The following BAHD1 variants were observed in gnomAD, a reference collection of about 807,000 sequenced individuals.
BAHD1 encodes the protein bromo adjacent homology domain-containing 1 protein.
A neutral mutation model predicts 63.1 loss-of-function variants in BAHD1; 20 were observed. That is an observed-to-expected ratio of 0.32 (90% confidence interval 0.22 to 0.46). BAHD1 has a LOEUF of 0.46. Ranked by LOEUF, BAHD1 falls within the 20% of genes least tolerant of loss-of-function variation. The pLI is 1.00. For synonymous variants in BAHD1, 408 were observed against 426.8 expected (o/e 0.96, Z 0.54); for missense variants, 939 against 1,071.8 (o/e 0.88, Z 1.73).
chr15:40,449,981 G>A (rs1470224279), intron 1 of BAHD1, among the ~76,000 whole-genome samples: 1 of 152,164 alleles, frequency 6.6e-6, no homozygotes, highest in Admixed American at 6.5e-5. Context: ...GAGGGCTCTT[G>A]TCTTGAGCTC....
chr15:40,444,348 T>G (rs1893478743), intron 1 of BAHD1, among the ~76,000 whole-genome samples: 1 of 152,198 alleles, frequency 6.6e-6, no homozygotes, highest in African/African-American at 2.4e-5. Context: ...ATTTAACTGC[T>G]GTTTCTAATA....
chr15:40,462,565 C>T (rs566427639), intron 3 of BAHD1, among the ~76,000 whole-genome samples: 7 of 152,178 alleles, frequency 4.6e-5, no homozygotes, highest in East Asian at 1.9e-4. Context: ...CTTCCCCTCC[C>T]CTCCCTGCTC....
At chr15:40,440,455 C>T (rs1439634053), upstream of BAHD1, among the ~76,000 whole-genome samples, 1 of 151,802 alleles carries the variant, frequency 6.6e-6, no homozygotes, top group Non-Finnish European at 1.5e-5. Flanking sequence ...GGGCAGCAGC[C>T]TCCGGCGAGG....
chr15:40,447,258 G>T (rs1893565245), intron 1 of BAHD1, among the ~76,000 whole-genome samples: 1 of 152,076 alleles, frequency 6.6e-6, no homozygotes, highest in South Asian at 2.1e-4. Flanking sequence ...TGGCTAGAAT[G>T]TAAAAAAGAA....
upstream of BAHD1, among the ~76,000 whole-genome samples, chr15:40,437,566 T>C (rs1416889940): frequency 6.6e-6 from 1 of 152,212 alleles, no homozygotes; most frequent in African/African-American, 2.4e-5. Flanking sequence ...CCAGTGGGGC[T>C]GAGGAGCCGG....
Position 40,466,002 on chromosome 15 carries a change from C to T in BAHD1, c.2215C>T (p.Pro739Ser). Residue 739 changes from proline (P) to serine (S), a missense_variant, in exon 7 of 7, where the codon CCC (proline) becomes TCC (serine). Transcript: ENST00000416165. Reference protein sequence around the residue: ...GLPSRKTALVPPSADYSTPPH... With the variant: ...GLPSRKTALVSPSADYSTPPH... ...CCCCAGCCGAAAGACAGCACTGGTT[C>T]CCCCCTCTGCAGACTATTCCACCCC... The T allele has an allele frequency of 6.2e-7, 1 of 1,611,920 alleles. No individual in the cohort carries two copies. Among genetic ancestry groups the T allele is most frequent in the Non-Finnish European group, 8.5e-7 (1 of 1,179,018 alleles).
chr15:40,460,689 G>A (rs1209676930), intron 2 of BAHD1, among the ~76,000 whole-genome samples: 1 of 152,166 alleles, frequency 6.6e-6, no homozygotes, highest in Non-Finnish European at 1.5e-5. Context: ...CTCCCTGCCT[G>A]CCTCCTGGGT....
In BAHD1 at chr15:40,467,727, C is replaced by CT. The variant is rs964451230; in HGVS notation, c.*1598dup. 3 of 152,778 alleles carry CT rather than the reference C, an allele frequency of 2.0e-5. No homozygotes were observed. The highest frequency in any genetic ancestry group is 7.2e-5 in the African/African-American group (3 of 41,564). 9.5% of individuals were successfully genotyped at this position (152,778 alleles called of 1,614,324 possible). A position where few individuals can be genotyped will look rare whatever the true frequency, so the allele number is the denominator to read the frequency against. ...ATGCTTGGGAAGCCTGATCCCAAAC[C>CT]TGAAGGGAAGGGACTTGGATCTCCT... On this transcript the variant is annotated 3_prime_UTR_variant, in exon 7 of 7. Transcript: ENST00000416165.
upstream of BAHD1, among the ~76,000 whole-genome samples, chr15:40,440,205 G>A (rs906252278): frequency 2.4e-4 from 37 of 152,286 alleles, no homozygotes; most frequent in African/African-American, 7.9e-4. Context: ...GGGGTTGGGG[G>A]CGGTAGGTGA....
At chr15:40,462,431 C>A in intron 3 of BAHD1, 137 bp downstream of exon 3, 2 of 1,270,264 alleles carry the variant, frequency 1.6e-6, no homozygotes, top group Non-Finnish European at 2.2e-6. Flanking sequence ...ACTTGTACCC[C>A]AGGAACCAGT....
At chr15:40,463,174 A>G (rs1386186774) in intron 3 of BAHD1, among the ~76,000 whole-genome samples, 1 of 152,106 alleles carries the variant, frequency 6.6e-6, no homozygotes, top group Non-Finnish European at 1.5e-5. Flanking sequence ...GCATGGTAGC[A>G]TGCATCTGTA....
In BAHD1 at chr15:40,466,021, C is replaced by G; in HGVS notation, c.2234C>G (p.Ser745Cys). 6.2e-7 allele frequency: 1 copy of G among 1,613,952 alleles called. No homozygotes were observed. The highest frequency in any genetic ancestry group is 8.5e-7 in the Non-Finnish European group (1 of 1,179,882). ...TALVPPSADY[S>C]TPPHRTVPED... is the part of the protein sequence containing the mutation. ...CTGGTTCCCCCCTCTGCAGACTATTCCACCCCACCCCACCGCACAGTGCCA... is the reference window on the plus strand; with the variant it reads ...CTGGTTCCCCCCTCTGCAGACTATTGCACCCCACCCCACCGCACAGTGCCA... The change falls in exon 7 of 7, where the codon TCC becomes TGC. Residue 745 changes from serine (S) to cysteine (C), a missense_variant. This residue lies in a region of BAHD1 where 68 missense variants were observed against 86.2 expected (regional missense o/e 0.79). Coordinates refer to ENST00000416165, the MANE Select transcript of BAHD1 (RefSeq NM_014952.5).
At chr15:40,461,474 C>T (rs1426963227) in intron 2 of BAHD1, among the ~76,000 whole-genome samples, 1 of 152,082 alleles carries the variant, frequency 6.6e-6, no homozygotes, top group Non-Finnish European at 1.5e-5. Flanking sequence ...CCTATCTCTA[C>T]TAAACATACA....
intron 2 of BAHD1, among the ~76,000 whole-genome samples, chr15:40,460,529 G>A (rs1223305922): frequency 6.6e-6 from 1 of 152,202 alleles, no homozygotes; most frequent in Non-Finnish European, 1.5e-5. Flanking sequence ...CCCTGACATG[G>A]ATGGAATGCG....
Position 40,466,985 on chromosome 15 carries a change from G to A in BAHD1, c.*855G>A, listed in dbSNP as rs1014605957. On this transcript the variant is annotated 3_prime_UTR_variant, in exon 7 of 7. Transcript: ENST00000416165. Reference sequence around the variant, plus strand: ...TCTTGCCTTACACATGGAGGTTCCAGGAAACCTCTTGCAGAACTTCACACG... The same window carrying A: ...TCTTGCCTTACACATGGAGGTTCCAAGAAACCTCTTGCAGAACTTCACACG... The A allele has an allele frequency of 6.6e-6, 1 of 152,382 alleles. No homozygotes were observed. The highest frequency in any genetic ancestry group is 1.5e-5 in the Non-Finnish European group (1 of 68,038). 9.4% of individuals were successfully genotyped at this position (152,382 alleles called of 1,614,324 possible).
chr15:40,468,161 T>A lies in BAHD1; in HGVS notation c.*2031T>A, dbSNP rs1449133724. ...AAGGGAGGAAGGACCTTTCCTCACCTCCCTTTTGACAGAGATTAGAAGTAC... is the reference window on the plus strand; with the variant it reads ...AAGGGAGGAAGGACCTTTCCTCACCACCCTTTTGACAGAGATTAGAAGTAC... On this transcript the variant is annotated 3_prime_UTR_variant, in exon 7 of 7. Transcript: ENST00000416165. The A allele has an allele frequency of 6.6e-6, 1 of 152,652 alleles. No homozygotes were observed. Among genetic ancestry groups the A allele is most frequent in the Non-Finnish European group, 1.5e-5 (1 of 68,040 alleles). 9.5% of individuals were successfully genotyped at this position (152,652 alleles called of 1,614,324 possible).
chr15:40,440,195 G>A (rs1893360190), upstream of BAHD1, among the ~76,000 whole-genome samples: 1 of 152,170 alleles, frequency 6.6e-6, no homozygotes, highest in African/African-American at 2.4e-5. Flanking sequence ...ATTAGGAGCT[G>A]GGGTTGGGGG....
intron 1 of BAHD1, among the ~76,000 whole-genome samples, chr15:40,457,064 G>A (rs1893869602): frequency 2.0e-5 from 3 of 152,196 alleles, no homozygotes; most frequent in African/African-American, 7.2e-5. Flanking sequence ...CAAAGTTAGG[G>A]GATGATGCCT....
In BAHD1 at chr15:40,459,057, A is replaced by G. The variant is rs1893941712; in HGVS notation, c.593A>G (p.Asp198Gly). Residue 198 changes from aspartate (D) to glycine (G), a missense_variant, in exon 2 of 7, where the codon GAC (aspartate) becomes GGC (glycine). This residue lies in a region of BAHD1 where 797 missense variants were observed against 813.3 expected (regional missense o/e 0.98). Transcript: ENST00000416165. ...APDEGPRRDG[D>G]PAPKRLASLN... ...GATGAAGGTCCCCGCCGAGATGGAGACCCAGCTCCCAAGAGACTGGCTAGC... is the reference window on the plus strand; with the variant it reads ...GATGAAGGTCCCCGCCGAGATGGAGGCCCAGCTCCCAAGAGACTGGCTAGC... The G allele has an allele frequency of 6.2e-7, 1 of 1,609,740 alleles. No individual in the cohort carries two copies. Among genetic ancestry groups the G allele is most frequent in the African/African-American group, 1.3e-5 (1 of 74,800 alleles).
Sources: gnomAD v4.1 joint callset for allele counts (sites outside exome capture counted in the v4.1 genomes callset) on GRCh38, gnomAD v4.1.1 for gene constraint, gnomAD v4.1.1 regional missense constraint, MANE v1.5 for transcripts, NCBI Gene and HGNC (gene_info 2026-07-23, HGNC 2026-07-21) for gene names.